The following OASL variants were observed in gnomAD, a reference collection of about 807,000 sequenced individuals.
The protein encoded by OASL is 2'-5'-oligoadenylate synthase-like protein.
In OASL, 28 loss-of-function variants were observed where a neutral mutation model predicts 35.3. The ratio of observed to expected loss-of-function variants is 0.79; its 90% CI spans 0.59 to 1.09. The LOEUF is 1.09. Ranked by LOEUF, OASL falls within the 50% of genes least tolerant of loss-of-function variation. OASL has a pLI of 0.00. For missense variants in OASL, 620 were observed against 635.2 expected, an observed-to-expected ratio of 0.98 and a Z score of 0.26; for synonymous variants, 252 against 254.6, an observed-to-expected ratio of 0.99 and a Z score of 0.10.
chr12:121,023,807 C>A, intron 5 of OASL, 183 bp downstream of exon 5: 1 of 570,790 alleles, frequency 1.8e-6, no homozygotes, highest in East Asian at 2.9e-5. Context: ...GTAAGAAACC[C>A]AAGGCTCTGA....
intron 1 of OASL, among the ~76,000 whole-genome samples, chr12:121,036,709 C>G (rs909066641): frequency 5.9e-5 from 9 of 152,162 alleles, no homozygotes; most frequent in African/African-American, 9.7e-5. Context: ...CCAGACATTC[C>G]TTATTCCCTC....
intron 5 of OASL, among the ~76,000 whole-genome samples, chr12:121,022,735 C>T (rs981685665): frequency 6.6e-6 from 1 of 152,160 alleles, no homozygotes; most frequent in East Asian, 1.9e-4. Flanking sequence ...CCTCATCATC[C>T]TTTGTCCTCT....
intron 4 of OASL, among the ~76,000 whole-genome samples, chr12:121,024,971 CTTTTTTT>C (rs751576824): frequency 3.1e-5 from 2 of 63,572 alleles, no homozygotes; most frequent in South Asian, 7.7e-4. Context: ...CCCTAAGTTC[CTTTTTTT>C]TTTTTTTTTT....
intron 1 of OASL, among the ~76,000 whole-genome samples, chr12:121,038,339 C>T (rs1234561360): frequency 2.0e-5 from 3 of 152,132 alleles, no homozygotes; most frequent in Non-Finnish European, 4.4e-5. Flanking sequence ...CTAACAAAAT[C>T]AACAATGATT....
At chr12:121,026,723 G>C (rs1869502402) in intron 4 of OASL, among the ~76,000 whole-genome samples, 1 of 152,038 alleles carries the variant, frequency 6.6e-6, no homozygotes, top group African/African-American at 2.4e-5. Flanking sequence ...TGGGTTGTAG[G>C]CGCCTGTAAT....
intron 1 of OASL, among the ~76,000 whole-genome samples, chr12:121,034,358 G>T (rs1351759085): frequency 1.3e-5 from 2 of 152,104 alleles, no homozygotes; most frequent in Admixed American, 1.3e-4. Flanking sequence ...GTAGTGACTG[G>T]GTTTTGGCAT....
exon 4 of OASL, chr12:121,027,735 C>T (rs1032274815): frequency 3.1e-6 from 5 of 1,613,962 alleles, no homozygotes; most frequent in Non-Finnish European, 4.2e-6. Context: ...TTCTTCAGTA[C>T]CCATTTCCCA....
chr12:121,025,276 C>T (rs918214192), intron 4 of OASL, among the ~76,000 whole-genome samples: 2 of 152,092 alleles, frequency 1.3e-5, no homozygotes, highest in Non-Finnish European at 2.9e-5. Flanking sequence ...GGTGCCCGGC[C>T]TAGATTGCCC....
At chr12:121,018,520 T>G (rs1869119699), downstream of OASL, among the ~76,000 whole-genome samples, 1 of 151,890 alleles carries the variant, frequency 6.6e-6, no homozygotes, top group Non-Finnish European at 1.5e-5. Flanking sequence ...CGGAGAATCT[T>G]TCAATTACAT....
At chr12:121,021,625 A>G (rs943533704) in intron 5 of OASL, among the ~76,000 whole-genome samples, 3 of 152,270 alleles carry the variant, frequency 2.0e-5, no homozygotes, top group African/African-American at 7.2e-5. Context: ...AGCCTGGCCA[A>G]CATGGCAAAA....
chr12:121,034,057 T>C (rs1869857129), intron 1 of OASL, among the ~76,000 whole-genome samples: 1 of 152,188 alleles, frequency 6.6e-6, no homozygotes, highest in African/African-American at 2.4e-5. Flanking sequence ...ACTGGGCTAC[T>C]GGGAGGATCA....
downstream of OASL, among the ~76,000 whole-genome samples, chr12:121,018,457 C>G (rs1869115280): frequency 6.6e-6 from 1 of 150,450 alleles, no homozygotes; most frequent in African/African-American, 2.4e-5. Context: ...GGACCGGGCC[C>G]AAGGAGGGAG....
In OASL at chr12:121,033,744, C is replaced by A; in HGVS notation, c.199-1G>T. ...CCGTGCCATTCCCGAAGGAGCCCAC[C>A]TGCAGAACACAGAGCCCCGTCACCC... On this transcript the variant is annotated splice_acceptor_variant, in intron 1 of 5. Transcript: ENST00000257570. LOFTEE classifies it high-confidence loss of function. 2 of 1,611,176 alleles carry A rather than the reference C, an allele frequency of 1.2e-6. No individual in the cohort carries two copies. The highest frequency in any genetic ancestry group is 1.7e-6 in the Non-Finnish European group (2 of 1,178,932).
chr12:121,038,735 G>GT, intron 1 of OASL, 39 bp downstream of exon 1: 1 of 1,605,660 alleles, frequency 6.2e-7, no homozygotes, highest in Non-Finnish European at 8.5e-7. Context: ...CTGATACTGG[G>GT]TTTTGTCTTG....
chr12:121,019,535 T>TA (rs1195185160), exon 6 of OASL: 1 of 152,230 alleles, frequency 6.6e-6, no homozygotes. Context: ...GATTTTTTTT[T>TA]ACACTGCATC....
Position 121,020,990 on chromosome 12 carries a change from AG to A in OASL, c.1115del (p.Pro372LeufsTer5), listed in dbSNP as rs1869211652. On this transcript the variant is annotated frameshift_variant, in exon 6 of 6. Transcript: ENST00000257570. LOFTEE classifies it low-confidence loss of function (END_TRUNC). Reference sequence around the variant, plus strand: ...CTTTAACCTTCCTTATGGGCTCATAAGGGTTCACGATGAGGTTGAAATCTGG... The same window carrying A: ...CTTTAACCTTCCTTATGGGCTCATAAGGTTCACGATGAGGTTGAAATCTGG... 1.2e-6 allele frequency: 2 copies of A among 1,613,738 alleles called. No individual in the cohort carries two copies. Among genetic ancestry groups the A allele is most frequent in the East Asian group, 2.2e-5 (1 of 44,884 alleles).
chr12:121,022,841 T>G (rs778625844), intron 5 of OASL, among the ~76,000 whole-genome samples: 3 of 152,244 alleles, frequency 2.0e-5, no homozygotes, highest in Non-Finnish European at 4.4e-5. Flanking sequence ...TTAACATTTA[T>G]TCTGCTTCCA....
intron 4 of OASL, among the ~76,000 whole-genome samples, chr12:121,025,731 C>T (rs1869454513): frequency 6.6e-6 from 1 of 150,726 alleles, no homozygotes; most frequent in Admixed American, 6.7e-5. Flanking sequence ...CACTGAACTC[C>T]AGCCTAGGTG....
At chr12:121,032,199 T>TAC (rs746829670) in intron 2 of OASL, among the ~76,000 whole-genome samples, 2 of 151,056 alleles carry the variant, frequency 1.3e-5, no homozygotes, top group Non-Finnish European at 3.0e-5. Context: ...TCTCAAAAAA[T>TAC]ATATATATAT....
Sources: gnomAD v4.1 joint callset for allele counts (sites outside exome capture counted in the v4.1 genomes callset) on GRCh38, gnomAD v4.1.1 for gene constraint, MANE v1.5 for transcripts, NCBI Gene and HGNC (gene_info 2026-07-23, HGNC 2026-07-21) for gene names.